The following PRKG1 variants were observed in gnomAD, a reference collection of about 807,000 sequenced individuals.
The protein encoded by PRKG1 is cGMP-dependent protein kinase 1.
PRKG1 carries 35 observed loss-of-function variants against 88.1 expected under a neutral mutation model. That is an observed-to-expected ratio of 0.40 (90% CI 0.30 to 0.53). The LOEUF (loss-of-function observed/expected upper bound fraction) is 0.53, where lower values mean the gene tolerates loss of function less well. Ranked by LOEUF, PRKG1 falls within the 20% of genes least tolerant of loss-of-function variation. The pLI is 0.59. For synonymous variants in PRKG1, 303 were observed against 292.5 expected (o/e 1.04, Z -0.37); for missense variants, 540 against 839.8 (o/e 0.64, Z 4.41).
rs1239669012 is a variant in PRKG1, at chr10:51,402,175, A to C, written c.479-65548A>C. ...TCCTTCCTGATATTTGAAAGAAAAC[A>C]AGTAATTGTTAAATGAATGTGTACA... On this transcript the variant is annotated intron_variant, in intron 2 of 17. Coordinates refer to ENST00000373980, the MANE Select transcript of PRKG1 (RefSeq NM_006258.4). Among the ~76,000 whole-genome samples, 3 of 152,228 alleles carry C rather than the reference A, an allele frequency of 2.0e-5. No homozygotes were observed. In the East Asian group the frequency reaches 5.8e-4, roughly 29 times the overall value.
chr10:51,143,908 T>C (rs1448050152), intron 1 of PRKG1, among the ~76,000 whole-genome samples: 1 of 152,002 alleles, frequency 6.6e-6, no homozygotes, highest in Non-Finnish European at 1.5e-5. Flanking sequence ...AAATATTTCT[T>C]CCATTCTATA....
At chr10:51,528,097 T>A (rs1281636067) in intron 3 of PRKG1, among the ~76,000 whole-genome samples, 2 of 152,176 alleles carry the variant, frequency 1.3e-5, no homozygotes, top group East Asian at 3.9e-4. Flanking sequence ...TCTAAGCTCA[T>A]GGGAGCAAAT....
intron 11 of PRKG1, among the ~76,000 whole-genome samples, chr10:52,271,733 C>T (rs1157209093): frequency 1.3e-5 from 2 of 152,106 alleles, no homozygotes; most frequent in Admixed American, 1.3e-4. Context: ...GAGTTTCTAA[C>T]ATTCCATTTT....
chr10:51,209,144 A>C (rs537158475), intron 2 of PRKG1, among the ~76,000 whole-genome samples: 3 of 152,284 alleles, frequency 2.0e-5, no homozygotes, highest in Non-Finnish European at 4.4e-5. Context: ...AGAAACAGAA[A>C]GATATTGTTT....
intron 3 of PRKG1, among the ~76,000 whole-genome samples, chr10:51,549,120 CTTTTTTTTTTTTT>C (rs56045527): frequency 1.6e-4 from 11 of 70,334 alleles, no homozygotes; most frequent in African/African-American, 5.6e-4. Flanking sequence ...CTTTTCTTTT[CTTTTTTTTTTTTT>C]TTTTTTTTGA....
At chr10:51,133,462 T>G (rs964131541) in intron 1 of PRKG1, among the ~76,000 whole-genome samples, 1 of 152,202 alleles carries the variant, frequency 6.6e-6, no homozygotes, top group African/African-American at 2.4e-5. Context: ...GTTGTTTTCA[T>G]GCTCATTTTA....
At chr10:51,795,266 C>G (rs948788835) in intron 3 of PRKG1, among the ~76,000 whole-genome samples, 20 of 152,024 alleles carry the variant, frequency 1.3e-4, no homozygotes, top group African/African-American at 4.8e-4. Flanking sequence ...CAGCCCACTC[C>G]CTTCCAATGT....
intron 3 of PRKG1, among the ~76,000 whole-genome samples, chr10:51,491,578 A>G (rs995015300): frequency 3.3e-5 from 5 of 152,108 alleles, no homozygotes; most frequent in Non-Finnish European, 1.5e-5. Context: ...CATGACTATA[A>G]CCACTACTTG....
chr10:51,869,941 G>GA (rs1194360949), intron 4 of PRKG1, among the ~76,000 whole-genome samples: 2 of 152,006 alleles, frequency 1.3e-5, no homozygotes, highest in African/African-American at 4.8e-5. Context: ...AGGGATTGAA[G>GA]AAAAAAATGT....
chr10:51,859,199 A>G (rs1226622117), intron 4 of PRKG1, among the ~76,000 whole-genome samples: 1 of 152,212 alleles, frequency 6.6e-6, no homozygotes, highest in Non-Finnish European at 1.5e-5. Flanking sequence ...AGATGTTCGG[A>G]AGCCCTGAAG....
At chr10:51,040,183 C>T (rs1843401136) in intron 1 of PRKG1, among the ~76,000 whole-genome samples, 2 of 146,596 alleles carry the variant, frequency 1.4e-5, no homozygotes, top group Non-Finnish European at 3.0e-5. Context: ...GACATTTTAA[C>T]AATGTTGATT....
At chr10:52,016,090 A>T (rs1845032901) in intron 5 of PRKG1, among the ~76,000 whole-genome samples, 1 of 152,186 alleles carries the variant, frequency 6.6e-6, no homozygotes, top group Non-Finnish European at 1.5e-5. Flanking sequence ...TTCCAAAGTC[A>T]CTTTCACATT....
intron 1 of PRKG1, among the ~76,000 whole-genome samples, chr10:51,143,838 G>C (rs1420935956): frequency 3.3e-5 from 5 of 152,004 alleles, no homozygotes; most frequent in Non-Finnish European, 5.9e-5. Flanking sequence ...TTTTGCTACT[G>C]AGTTATTTGA....
At chr10:51,980,134 C>T (rs1043461400) in intron 5 of PRKG1, among the ~76,000 whole-genome samples, 5 of 152,028 alleles carry the variant, frequency 3.3e-5, no homozygotes, top group Non-Finnish European at 7.4e-5. Context: ...TAATTTTCTT[C>T]TTAAGACTGC....
At chr10:51,660,594 C>A (rs1007829378) in intron 3 of PRKG1, among the ~76,000 whole-genome samples, 2 of 152,210 alleles carry the variant, frequency 1.3e-5, no homozygotes, top group South Asian at 2.1e-4. Context: ...CATTTCCCTA[C>A]CTCAGTAACC....
chr10:52,011,324 C>T (rs968781495), intron 5 of PRKG1, among the ~76,000 whole-genome samples: 1 of 152,208 alleles, frequency 6.6e-6, no homozygotes, highest in Non-Finnish European at 1.5e-5. Flanking sequence ...CAAAAGCCTA[C>T]ATGTGCTGTT....
chr10:51,039,642 T>A (rs2132756161), intron 1 of PRKG1, among the ~76,000 whole-genome samples: 1 of 152,254 alleles, frequency 6.6e-6, no homozygotes, highest in East Asian at 1.9e-4. Flanking sequence ...TGCCTGTGCT[T>A]TGGGGGTACT....
intron 5 of PRKG1, among the ~76,000 whole-genome samples, chr10:52,005,379 C>A (rs1227400408): frequency 6.6e-6 from 1 of 151,420 alleles, no homozygotes; most frequent in South Asian, 2.1e-4. Context: ...CAGTCATGAA[C>A]CACCCAGTGA....
chr10:51,206,593 G>T (rs1351908806), intron 2 of PRKG1, among the ~76,000 whole-genome samples: 1 of 151,830 alleles, frequency 6.6e-6, no homozygotes, highest in Non-Finnish European at 1.5e-5. Flanking sequence ...ACTTCCAAAA[G>T]ATCACACATT....
Sources: gnomAD v4.1 joint callset for allele counts (sites outside exome capture counted in the v4.1 genomes callset) on GRCh38, gnomAD v4.1.1 for gene constraint, MANE v1.5 for transcripts, NCBI Gene and HGNC (gene_info 2026-07-23, HGNC 2026-07-21) for gene names.